The following ANKRD12 variants were observed in gnomAD, a reference collection of about 807,000 sequenced individuals.
ANKRD12 encodes the protein ankyrin repeat domain-containing protein 12.
A neutral mutation model predicts 183.4 loss-of-function variants in ANKRD12; 85 were observed. The observed-to-expected ratio is 0.46, with a 90% CI of 0.39 to 0.56. The LOEUF is 0.56. ANKRD12 is among the 20% of genes least tolerant of loss of function. The pLI is 0.00. For missense variants in ANKRD12, 2,405 were observed against 2,357.1 expected, an observed-to-expected ratio of 1.02 and a Z score of -0.42; for synonymous variants, 914 against 800.2, an observed-to-expected ratio of 1.14 and a Z score of -2.40.
Position 9,254,280 on chromosome 18 carries a change from A to T in ANKRD12, c.1013A>T (p.Asp338Val), listed in dbSNP as rs1250460114. 4 of 1,610,024 alleles carry T rather than the reference A, an allele frequency of 2.5e-6. No homozygotes were observed. Among genetic ancestry groups the T allele is most frequent in the Non-Finnish European group, 3.4e-6 (4 of 1,178,612 alleles). ...DENIDSETEKDSLICESKQIL... is the reference protein window; with the variant it reads ...DENIDSETEKVSLICESKQIL... ...AATATTGACTCTGAAACAGAGAAAG[A>T]CTCTCTCATCTGTGAAAGTAAACAG... is the stretch of plus-strand genomic sequence containing the variant. The change falls in exon 9 of 13, where the codon GAC (aspartate) becomes GTC (valine). Residue 338 changes from aspartate to valine, a missense_variant. Transcript: ENST00000262126.
At chr18:9,280,794 A>G (rs994077699) in intron 12 of ANKRD12, 147 bp from the exon 13 acceptor site, 2 of 770,958 alleles carry the variant, frequency 2.6e-6, no homozygotes, top group Non-Finnish European at 4.1e-6. Flanking sequence ...GTCTCAAAAA[A>G]AAAAGAAAGA....
At position 9,256,396 on chromosome 18, in the gene ANKRD12, C is replaced by T. The variant is rs376864209; in HGVS notation, c.3129C>T (p.Leu1043=). ...HKDKIQINSL[L]KLKSEADKPK... Reference sequence around the variant, plus strand: ...ATAAAATTCAAATAAATAGCTTACTCAAACTAAAATCTGAAGCAGATAAGC... The same window carrying T: ...ATAAAATTCAAATAAATAGCTTACTTAAACTAAAATCTGAAGCAGATAAGC... Residue 1043 remains leucine, a synonymous_variant, in exon 9 of 13, where the codon CTC becomes CTT. Transcript: ENST00000262126. The T allele has an allele frequency of 9.3e-6, 15 of 1,609,902 alleles. No individual in the cohort carries two copies. The highest frequency in any genetic ancestry group is 1.3e-5 in the Non-Finnish European group (15 of 1,178,848).
intron 6 of ANKRD12, among the ~76,000 whole-genome samples, chr18:9,214,015 AGT>A (rs2035952294): frequency 6.6e-6 from 1 of 152,040 alleles, no homozygotes; most frequent in Admixed American, 6.6e-5. Flanking sequence ...AATTTAGCAC[AGT>A]GGAAATACTG....
At chr18:9,209,975 TTACAAA>T (rs1352979821) in intron 5 of ANKRD12, among the ~76,000 whole-genome samples, 2 of 152,152 alleles carry the variant, frequency 1.3e-5, no homozygotes, top group Non-Finnish European at 2.9e-5. Context: ...AGGCATAAAC[TTACAAA>T]TACGTATCTT....
At chr18:9,198,230 T>C (rs2034957460) in intron 3 of ANKRD12, among the ~76,000 whole-genome samples, 1 of 152,194 alleles carries the variant, frequency 6.6e-6, no homozygotes, top group African/African-American at 2.4e-5. Context: ...ATATATGTAG[T>C]ATTTAAAGAT....
intron 10 of ANKRD12, among the ~76,000 whole-genome samples, chr18:9,269,843 A>G (rs538387769): frequency 1.3e-5 from 2 of 152,330 alleles, no homozygotes; most frequent in Admixed American, 1.3e-4. Context: ...AGCCTACAAA[A>G]TGGGAGAAAA....
At chr18:9,185,083 A>AC (rs2033956051) in intron 2 of ANKRD12, among the ~76,000 whole-genome samples, 1 of 152,210 alleles carries the variant, frequency 6.6e-6, no homozygotes, top group East Asian at 1.9e-4. Flanking sequence ...GGAAAGTGAA[A>AC]GTAAAGGGTA....
chr18:9,215,428 G>A (rs2036042355), intron 6 of ANKRD12, among the ~76,000 whole-genome samples: 1 of 152,108 alleles, frequency 6.6e-6, no homozygotes. Context: ...CTGAAGTCAG[G>A]AAGTACTTTG....
chr18:9,179,154 AG>A, intron 1 of ANKRD12, among the ~76,000 whole-genome samples: 1 of 152,338 alleles, frequency 6.6e-6, no homozygotes, highest in South Asian at 2.1e-4. Context: ...CACATGTATT[AG>A]TTCTAATAGC....
At chr18:9,175,261 G>C (rs60143204) in intron 1 of ANKRD12, among the ~76,000 whole-genome samples, 11,183 of 152,188 alleles carry the variant, frequency 0.073, 426 homozygotes, top group African/African-American at 0.083. Flanking sequence ...TATTATACAT[G>C]TGCAGTCTCC....
intron 8 of ANKRD12, among the ~76,000 whole-genome samples, chr18:9,233,104 G>A (rs762563979): frequency 6.6e-5 from 10 of 151,838 alleles, no homozygotes; most frequent in Non-Finnish European, 1.2e-4. Flanking sequence ...CACCCACCTC[G>A]GCCTCCCAAA....
chr18:9,190,814 C>A (rs896527909), intron 2 of ANKRD12, among the ~76,000 whole-genome samples: 2 of 152,146 alleles, frequency 1.3e-5, no homozygotes, highest in Non-Finnish European at 2.9e-5. Context: ...TAGTATTGCA[C>A]ACTTACTAGA....
intron 10 of ANKRD12, among the ~76,000 whole-genome samples, chr18:9,266,546 C>G (rs887613258): frequency 1.3e-5 from 2 of 152,154 alleles, no homozygotes; most frequent in Admixed American, 1.3e-4. Flanking sequence ...AAATAAAATA[C>G]TTTACAGACA....
chr18:9,234,343 G>A (rs1031617765), intron 8 of ANKRD12, among the ~76,000 whole-genome samples: 5 of 152,144 alleles, frequency 3.3e-5, no homozygotes, highest in East Asian at 1.9e-4. Context: ...GTGGCGGGGC[G>A]ACGGGGGATC....
intron 2 of ANKRD12, among the ~76,000 whole-genome samples, chr18:9,192,974 G>A (rs1183251027): frequency 6.6e-6 from 1 of 151,530 alleles, no homozygotes; most frequent in Non-Finnish European, 1.5e-5. Flanking sequence ...TTTAGCCACT[G>A]CACCCAGCCT....
At chr18:9,235,930 A>G in intron 8 of ANKRD12, 1 of 237,014 alleles carries the variant, frequency 4.2e-6, no homozygotes, top group Non-Finnish European at 8.8e-6. Flanking sequence ...TGGCATATAT[A>G]ATATCTAGAT....
chr18:9,244,279 A>G (rs1031195475), intron 8 of ANKRD12, among the ~76,000 whole-genome samples: 1 of 152,218 alleles, frequency 6.6e-6, no homozygotes. Context: ...TATACTTTCT[A>G]TTCTTTTTCT....
intron 8 of ANKRD12, 136 bp from the exon 9 acceptor site, chr18:9,254,075 A>T (rs952471299): frequency 1.9e-5 from 20 of 1,030,164 alleles, no homozygotes; most frequent in African/African-American, 3.3e-5. Context: ...CATTATTTCC[A>T]TATAAATCTG....
intron 8 of ANKRD12, among the ~76,000 whole-genome samples, chr18:9,242,767 A>G (rs566818491): frequency 6.6e-6 from 1 of 152,182 alleles, no homozygotes; most frequent in South Asian, 2.1e-4. Context: ...TTGTATGTAG[A>G]TTTTGCTTTT....
Sources: gnomAD v4.1 joint callset for allele counts (sites outside exome capture counted in the v4.1 genomes callset) on GRCh38, gnomAD v4.1.1 for gene constraint, MANE v1.5 for transcripts, NCBI Gene and HGNC (gene_info 2026-07-23, HGNC 2026-07-21) for gene names.